CSMD2: variants seen among roughly 807,000 people sequenced by gnomAD.
CSMD2 encodes CUB and sushi domain-containing protein 2.
A neutral mutation model predicts 398.5 loss-of-function variants in CSMD2; 130 were observed. The observed-to-expected ratio is 0.33, with a 90% CI of 0.28 to 0.38. The LOEUF is 0.38. Ranked by LOEUF, CSMD2 falls within the 10% of genes least tolerant of loss-of-function variation. CSMD2 has a pLI of 1.00. For missense variants in CSMD2, 3,829 were observed against 4,764.9 expected (o/e 0.80, Z 5.78); for synonymous variants, 1,828 against 1,908.5 (o/e 0.96, Z 1.10).
chr1:33,565,171 A>G (rs997902148), intron 53 of CSMD2, among the ~76,000 whole-genome samples: 1 of 152,156 alleles, frequency 6.6e-6, no homozygotes, highest in Non-Finnish European at 1.5e-5. Flanking sequence ...GAAGGGCTTA[A>G]CACTGATCTA....
chr1:34,074,747 C>T (rs917977521), intron 2 of CSMD2, among the ~76,000 whole-genome samples: 9 of 150,286 alleles, frequency 6.0e-5, no homozygotes, highest in South Asian at 4.2e-4. Context: ...CACACACACG[C>T]GTGTGTAAAA....
intron 46 of CSMD2, among the ~76,000 whole-genome samples, chr1:33,585,052 G>C (rs186869745): frequency 1.3e-5 from 2 of 152,284 alleles, no homozygotes; most frequent in Admixed American, 1.3e-4. Context: ...ACCTCCATTT[G>C]TTTGGGTTGC....
At chr1:33,730,820 A>C (rs1486670965) in intron 15 of CSMD2, among the ~76,000 whole-genome samples, 1 of 152,208 alleles carries the variant, frequency 6.6e-6, no homozygotes, top group Non-Finnish European at 1.5e-5. Flanking sequence ...AAGTGTTTTT[A>C]CATTGGAAAT....
intron 5 of CSMD2, chr1:33,861,414 C>G (rs566087075): frequency 6.6e-6 from 1 of 152,308 alleles, no homozygotes; most frequent in Admixed American, 6.5e-5. Flanking sequence ...GTTCACCAAG[C>G]CTATCATATT....
At position 33,550,218 on chromosome 1, in the gene CSMD2, C is replaced by T. The variant is rs775668873; in HGVS notation, c.8876G>A (p.Gly2959Glu). 109 of 1,614,078 alleles carry T rather than the reference C, an allele frequency of 6.8e-5. No homozygotes were observed. Among genetic ancestry groups the T allele is most frequent in the Non-Finnish European group, 8.6e-5 (101 of 1,180,046 alleles). The change falls in exon 56 of 71, where the codon GGG (glycine) becomes GAG (glutamate). Residue 2959 changes from glycine (G) to glutamate (E), a missense_variant. Around this residue, in one of 5 missense-constraint regions of CSMD2, gnomAD observed 917 missense variants for 1,199.5 expected, o/e 0.76. Transcript: ENST00000373381. ...GGAGCCAGTCCAGTGTCCATCCAGC[C>T]CACACATGCGGGTGCTGTTTCCCAC... ...TLVGNSTRMC[G>E]LDGHWTGSLP... is the part of the protein sequence containing the mutation.
intron 37 of CSMD2, among the ~76,000 whole-genome samples, chr1:33,617,975 CTCTG>C (rs1029956095): frequency 3.2e-4 from 48 of 152,116 alleles, no homozygotes; most frequent in African/African-American, 1.1e-3. Context: ...CTTAACTCCC[CTCTG>C]TCTTCCTTAC....
chr1:33,625,375 C>G (rs1642050491), intron 33 of CSMD2, 121 bp from the exon 34 acceptor site: 4 of 947,940 alleles, frequency 4.2e-6, no homozygotes, highest in South Asian at 1.5e-5. Context: ...TCTGGATGCT[C>G]TCCCGTAGGG....
At chr1:33,860,587 A>G (rs1639426497) in intron 5 of CSMD2, 1 of 152,140 alleles carries the variant, frequency 6.6e-6, no homozygotes, top group East Asian at 1.9e-4. Context: ...GGGGAGTGCC[A>G]TCTGTTTTTA....
In CSMD2 at chr1:34,100,181, C is replaced by T. The variant is rs187948992; in HGVS notation, c.188-10988G>A. Among the ~76,000 whole-genome samples, 844 of 152,226 alleles carry T rather than the reference C, an allele frequency of 5.5e-3. 6 individuals carry two copies. Among genetic ancestry groups the T allele is most frequent in the Middle Eastern group, 0.02 (6 of 294 alleles). On this transcript the variant is annotated intron_variant, in intron 1 of 70. Coordinates refer to ENST00000373381, the MANE Select transcript of CSMD2 (RefSeq NM_001281956.2). ...TTTCTGTAAGTTATTCTTCAATCTT[C>T]AATTTAAAAAGGCAATGTGGACTTG...
chr1:33,514,228 A>C lies in CSMD2; in HGVS notation c.*2396T>G, dbSNP rs1240657313. ...TATTTATACATTTTATTACATTTAC[A>C]AAAAAGGCTTCCACTACCGTTTACC... On this transcript the variant is annotated 3_prime_UTR_variant, in exon 71 of 71. Coordinates refer to ENST00000373381, the MANE Select transcript of CSMD2 (RefSeq NM_001281956.2). 6.6e-6 allele frequency: 1 copy of C among 152,260 alleles called. No individual in the cohort carries two copies. Among genetic ancestry groups the C allele is most frequent in the Non-Finnish European group, 1.5e-5 (1 of 68,012 alleles). 9.4% of individuals were successfully genotyped at this position (152,260 alleles called of 1,614,324 possible).
At chr1:34,069,170 C>A (rs977629216) in intron 2 of CSMD2, among the ~76,000 whole-genome samples, 1 of 152,216 alleles carries the variant, frequency 6.6e-6, no homozygotes, top group Non-Finnish European at 1.5e-5. Flanking sequence ...TTCTTTTACT[C>A]TGTACTGGTG....
At chr1:33,699,996 G>C (rs184624377) in intron 23 of CSMD2, among the ~76,000 whole-genome samples, 120 of 140,912 alleles carry the variant, frequency 8.5e-4, no homozygotes, top group African/African-American at 3.2e-3. Context: ...GTCAAAGCAT[G>C]TATACTTTAC....
intron 29 of CSMD2, among the ~76,000 whole-genome samples, chr1:33,645,253 T>A (rs1643352201): frequency 6.6e-6 from 1 of 151,828 alleles, no homozygotes; most frequent in Admixed American, 6.6e-5. Flanking sequence ...CTCAGGCTGA[T>A]GAGGCCTGGG....
At chr1:33,864,125 G>C (rs1258494104) in intron 5 of CSMD2, 3 of 1,447,766 alleles carry the variant, frequency 2.1e-6, no homozygotes, top group African/African-American at 2.8e-5. Context: ...GATTGCTCCT[G>C]GAGTGTGGGA....
chr1:34,014,360 G>C (rs1209069126), intron 3 of CSMD2, among the ~76,000 whole-genome samples: 1 of 152,236 alleles, frequency 6.6e-6, no homozygotes, highest in Non-Finnish European at 1.5e-5. Flanking sequence ...TTCCCATAAT[G>C]TAAAGGCTGT....
At chr1:33,710,226 G>GC (rs1645938887) in intron 21 of CSMD2, among the ~76,000 whole-genome samples, 1 of 152,122 alleles carries the variant, frequency 6.6e-6, no homozygotes, top group Admixed American at 6.5e-5. Flanking sequence ...TAATTGGGGG[G>GC]CCCCTCCCTG....
At chr1:33,742,409 A>G (rs1647099287) in intron 14 of CSMD2, among the ~76,000 whole-genome samples, 1 of 152,200 alleles carries the variant, frequency 6.6e-6, no homozygotes, top group Admixed American at 6.5e-5. Flanking sequence ...CTCGCCCTTC[A>G]CAAGCAGCCT....
At chr1:33,525,665 T>TA (rs1176383054) in intron 65 of CSMD2, among the ~76,000 whole-genome samples, 2 of 152,212 alleles carry the variant, frequency 1.3e-5, no homozygotes, top group Non-Finnish European at 1.5e-5. Context: ...GAATGTATTG[T>TA]ACATTTCAAA....
At chr1:33,540,426 G>T in intron 60 of CSMD2, 99 bp downstream of exon 60, 2 of 1,240,766 alleles carry the variant, frequency 1.6e-6, no homozygotes, top group East Asian at 2.3e-5. Context: ...TTTGGGGAGG[G>T]GACTACCTAT....
Sources: allele counts gnomAD v4.1 joint callset (sites outside exome capture counted in the v4.1 genomes callset), GRCh38; gene constraint gnomAD v4.1.1; regional missense constraint gnomAD v4.1.1; transcripts MANE v1.5; gene names NCBI Gene and HGNC (gene_info 2026-07-23, HGNC 2026-07-21).